Variants in ADGRD1 observed in about 807,000 individuals in gnomAD.
ADGRD1 encodes adhesion G protein-coupled receptor D1.
In ADGRD1, 77 loss-of-function variants were observed where a neutral mutation model predicts 113.4. The observed-to-expected ratio is 0.68, with a 90% CI of 0.57 to 0.82. The LOEUF is 0.82. Among genes scored for constraint, ADGRD1 ranks in the 40% least tolerant of loss-of-function variants. ADGRD1 has a pLI of 0.00. For synonymous variants in ADGRD1, 474 were observed against 475.0 expected (o/e 1.00, Z 0.03); for missense variants, 1,036 against 1,139.1 (o/e 0.91, Z 1.30).
intron 13 of ADGRD1, among the ~76,000 whole-genome samples, chr12:131,018,696 A>G (rs1878940492): frequency 1.3e-5 from 2 of 152,218 alleles, no homozygotes; most frequent in Non-Finnish European, 2.9e-5. Context: ...ACAAAGGGCA[A>G]ATCAATGTAT....
In ADGRD1 at chr12:131,127,508, G is replaced by A. The variant is rs573858311; in HGVS notation, c.2176-4217G>A. ...ATGGGACCCTGAGCTCAGATGGGGTGTTGGTTGGGTTGGTTGTGATGGGAC... is the reference window on the plus strand; with the variant it reads ...ATGGGACCCTGAGCTCAGATGGGGTATTGGTTGGGTTGGTTGTGATGGGAC... On this transcript the variant is annotated intron_variant, in intron 20 of 24. Transcript: ENST00000261654. 4.6e-5 allele frequency among the ~76,000 whole-genome samples: 7 copies of A among 152,086 alleles called. No homozygotes were observed. In the East Asian group the frequency reaches 1.2e-3, roughly 25 times the overall value.
intron 12 of ADGRD1, among the ~76,000 whole-genome samples, chr12:131,008,672 C>T (rs1370480645): frequency 6.6e-6 from 1 of 152,184 alleles, no homozygotes; most frequent in Admixed American, 6.5e-5. Flanking sequence ...GAGTCTCACT[C>T]GCTGCCTGGC....
intron 12 of ADGRD1, among the ~76,000 whole-genome samples, chr12:131,013,978 G>A (rs1353759270): frequency 6.6e-6 from 1 of 152,220 alleles, no homozygotes; most frequent in South Asian, 2.1e-4. Flanking sequence ...AAGAATTCAA[G>A]GGACAGAGTT....
chr12:131,004,152 C>T (rs549145215), intron 10 of ADGRD1, 34 bp from the exon 11 acceptor site: 158 of 1,367,468 alleles, frequency 1.2e-4, no homozygotes, highest in Admixed American at 3.7e-4. Context: ...TGAGCTCTGA[C>T]GGGACTTCCG....
intron 8 of ADGRD1, among the ~76,000 whole-genome samples, chr12:130,993,595 C>T (rs1874731263): frequency 6.6e-6 from 1 of 152,068 alleles, no homozygotes; most frequent in African/African-American, 2.4e-5. Flanking sequence ...CCCAGCTCCA[C>T]CACTCCCGGC....
intron 17 of ADGRD1, among the ~76,000 whole-genome samples, chr12:131,106,984 C>T (rs915036093): frequency 3.9e-5 from 6 of 152,210 alleles, no homozygotes; most frequent in Non-Finnish European, 7.3e-5. Flanking sequence ...GTGATGCTGA[C>T]GCTGCCTGTT....
chr12:130,977,575 C>T (rs1056044422), intron 4 of ADGRD1: 4 of 152,328 alleles, frequency 2.6e-5, no homozygotes, highest in African/African-American at 9.6e-5. Flanking sequence ...GAACGGCCAT[C>T]AGACCCTGTC....
intron 13 of ADGRD1, among the ~76,000 whole-genome samples, chr12:131,056,236 A>G (rs975375463): frequency 2.6e-5 from 4 of 152,230 alleles, no homozygotes; most frequent in African/African-American, 4.8e-5. Flanking sequence ...TTTTTCAGAC[A>G]CACATTAGAG....
At chr12:131,000,536 G>A (rs1380788857) in intron 9 of ADGRD1, 94 bp downstream of exon 9, 1 of 914,204 alleles carries the variant, frequency 1.1e-6, no homozygotes, top group Middle Eastern at 3.4e-4. Flanking sequence ...GAGGTCAGGA[G>A]TCAAGACCAG....
chr12:131,110,702 G>A (rs776832145), intron 18 of ADGRD1, among the ~76,000 whole-genome samples: 3 of 152,074 alleles, frequency 2.0e-5, no homozygotes, highest in Non-Finnish European at 2.9e-5. Context: ...CCATCTGGTG[G>A]TGTTGCTTGC....
At chr12:131,081,203 A>G (rs1035646931) in intron 14 of ADGRD1, among the ~76,000 whole-genome samples, 1 of 152,132 alleles carries the variant, frequency 6.6e-6, no homozygotes, top group Non-Finnish European at 1.5e-5. Flanking sequence ...GACTGCATGT[A>G]GCTGGGTCGT....
At chr12:130,983,951 G>A (rs1305848582) in intron 5 of ADGRD1, among the ~76,000 whole-genome samples, 3 of 152,176 alleles carry the variant, frequency 2.0e-5, no homozygotes, top group African/African-American at 7.2e-5. Context: ...TGATGAGCGT[G>A]GTTCTTGTGC....
intron 18 of ADGRD1, among the ~76,000 whole-genome samples, chr12:131,114,038 A>G (rs1016053059): frequency 2.4e-4 from 36 of 152,208 alleles, no homozygotes; most frequent in African/African-American, 8.2e-4. Flanking sequence ...GCCACAGAAA[A>G]GACAGCTGGG....
At position 131,059,236 on chromosome 12, in the gene ADGRD1, C is replaced by T. The variant is rs572110663; in HGVS notation, c.1474-17565C>T. On this transcript the variant is annotated intron_variant, in intron 13 of 24. Coordinates refer to ENST00000261654, the MANE Select transcript of ADGRD1 (RefSeq NM_198827.5). ...CGTCACCCAGGCTGGAGTATAGTGACGCCATCCTGGCTCACTGCAGCCAGC... is the reference window on the plus strand; with the variant it reads ...CGTCACCCAGGCTGGAGTATAGTGATGCCATCCTGGCTCACTGCAGCCAGC... 1.1e-4 allele frequency among the ~76,000 whole-genome samples: 16 copies of T among 152,228 alleles called. 1 individual carries two copies. The South Asian group carries it at 1.7e-3, about 16-fold the overall frequency.
At chr12:131,115,089 GA>G (rs1950432783) in intron 18 of ADGRD1, among the ~76,000 whole-genome samples, 1 of 152,164 alleles carries the variant, frequency 6.6e-6, no homozygotes. Flanking sequence ...ATGATCACAG[GA>G]GGGGGATCCG....
At chr12:130,989,429 C>T (rs35748669) in intron 6 of ADGRD1, 13,688 of 152,182 alleles carry the variant, frequency 0.09, 801 homozygotes, top group Middle Eastern at 0.14. Context: ...ACAAGGCATA[C>T]GACGTAAAGC....
intron 15 of ADGRD1, among the ~76,000 whole-genome samples, chr12:131,090,388 T>C (rs1886832861): frequency 3.3e-5 from 1 of 30,680 alleles, no homozygotes; most frequent in Non-Finnish European, 2.5e-4. Flanking sequence ...ACTGCTGGTC[T>C]TTGGGTTCCT....
At chr12:131,128,483 T>C (rs1355812544) in intron 20 of ADGRD1, among the ~76,000 whole-genome samples, 2 of 152,192 alleles carry the variant, frequency 1.3e-5, no homozygotes, top group African/African-American at 4.8e-5. Context: ...TCACAGGAAA[T>C]GGGTTTCATA....
At chr12:131,011,517 G>C (rs1401944143) in intron 12 of ADGRD1, among the ~76,000 whole-genome samples, 1 of 152,140 alleles carries the variant, frequency 6.6e-6, no homozygotes, top group East Asian at 1.9e-4. Context: ...ACTGTGTCAG[G>C]CGTGGTTCCG....
Sources: gnomAD v4.1 joint callset for allele counts (sites outside exome capture counted in the v4.1 genomes callset) on GRCh38, gnomAD v4.1.1 for gene constraint, MANE v1.5 for transcripts, NCBI Gene and HGNC (gene_info 2026-07-23, HGNC 2026-07-21) for gene names.